Variants in MTA3 observed in about 807,000 individuals in gnomAD.
MTA3 encodes the protein metastasis associated 1 family member 3, also known as metastasis-associated protein MTA3.
MTA3 carries 34 observed loss-of-function variants against 83.5 expected under a neutral mutation model. The ratio of observed to expected loss-of-function variants is 0.41; its 90% CI spans 0.31 to 0.54. The LOEUF (loss-of-function observed/expected upper bound fraction) is 0.54, where lower values mean the gene tolerates loss of function less well. MTA3 is among the 20% of genes least tolerant of loss of function. The probability of loss-of-function intolerance (pLI) is 0.33; values close to 1 mark genes in which losing one functional copy is unlikely to be tolerated. For missense variants in MTA3, 761 were observed against 726.4 expected, an observed-to-expected ratio of 1.05 and a Z score of -0.55; for synonymous variants, 303 against 252.7, an observed-to-expected ratio of 1.20 and a Z score of -1.89.
rs567016434 is a variant in MTA3 at position 42,556,096 on chromosome 2, A to C, written c.-140-14341A>C. On this transcript the variant is annotated intron_variant, in intron 2 of 17. Transcript: ENST00000405592. ...CAAAAAACAAAAGCAAACAAACAAA[A>C]AAAAAAACAAACAAAAAAAGAGAGA... is the stretch of plus-strand genomic sequence containing the variant. 2.0e-3 allele frequency among the ~76,000 whole-genome samples: 301 copies of C among 152,070 alleles called. 1 individual carries two copies. Among genetic ancestry groups the C allele is most frequent in the African/African-American group, 5.9e-3 (243 of 41,524 alleles).
chr2:42,571,728 A>C (rs927042127), intron 2 of MTA3, among the ~76,000 whole-genome samples: 4 of 151,876 alleles, frequency 2.6e-5, no homozygotes. Flanking sequence ...CGGGCGGATC[A>C]CCTGAGGTTG....
intron 9 of MTA3, among the ~76,000 whole-genome samples, chr2:42,689,010 ATTC>A (rs1692646076): frequency 6.6e-6 from 1 of 152,016 alleles, no homozygotes; most frequent in Non-Finnish European, 1.5e-5. Flanking sequence ...GTTCCTCTCT[ATTC>A]TTATTTTTTG....
intron 4 of MTA3, among the ~76,000 whole-genome samples, chr2:42,629,469 A>G (rs944423181): frequency 6.6e-6 from 1 of 152,014 alleles, no homozygotes; most frequent in Non-Finnish European, 1.5e-5. Flanking sequence ...TGGTAGTGTA[A>G]TTGTGATAGG....
At chr2:42,500,445 C>T (rs1211021212) in intron 2 of MTA3, among the ~76,000 whole-genome samples, 1 of 151,982 alleles carries the variant, frequency 6.6e-6, no homozygotes, top group Non-Finnish European at 1.5e-5. Context: ...GTAGTCCCTG[C>T]TACTCAGGAG....
chr2:42,495,842 C>G (rs1674105759), intron 2 of MTA3, among the ~76,000 whole-genome samples: 1 of 152,122 alleles, frequency 6.6e-6, no homozygotes, highest in Non-Finnish European at 1.5e-5. Flanking sequence ...TCCCCAACCC[C>G]GTGTCTGTGA....
intron 8 of MTA3, among the ~76,000 whole-genome samples, chr2:42,662,477 G>T (rs958017306): frequency 6.6e-6 from 1 of 151,336 alleles, no homozygotes. Context: ...TAAATTAATT[G>T]TCCCAGTACC....
Position 42,548,856 on chromosome 2 carries a change from TATAATATATATATATATATAA to T in MTA3, c.-140-21580_-140-21560del, listed in dbSNP as rs1676913033. On this transcript the variant is annotated intron_variant, in intron 2 of 17. Transcript: ENST00000405592. ...TATATATATATATATAATATATATA[TATAATATATATATATATATAA>T]TATATATATATATATCAGCGGGCAC... Among the ~76,000 whole-genome samples, 16 of 28,334 alleles carry T rather than the reference TATAATATATATATATATATAA, an allele frequency of 5.6e-4. 3 individuals carry two copies. Among genetic ancestry groups the T allele is most frequent in the African/African-American group, 4.5e-3 (15 of 3,302 alleles). 18.6% of individuals were successfully genotyped at this position (28,334 alleles called of 152,430 possible). A position where few individuals can be genotyped will look rare whatever the true frequency, so the allele number is the denominator to read the frequency against.
rs376458781 is a variant in MTA3, at chr2:42,625,814, A to G, written c.318-14359A>G. On this transcript the variant is annotated intron_variant, in intron 4 of 16. Coordinates refer to ENST00000405094, the MANE Select transcript of MTA3 (RefSeq NM_001330442.2). Reference sequence around the variant, plus strand: ...CCTCACCAGTCATTTTAATAAATCTATTATCTGCATGCACAGTTCTGTGTT... The same window carrying G: ...CCTCACCAGTCATTTTAATAAATCTGTTATCTGCATGCACAGTTCTGTGTT... 5.3e-5 allele frequency among the ~76,000 whole-genome samples: 8 copies of G among 150,154 alleles called. No homozygotes were observed. In the South Asian group the frequency reaches 6.3e-4, roughly 12 times the overall value.
chr2:42,569,777 G>C (rs1341764894), intron 1 of MTA3: 1 of 152,128 alleles, frequency 6.6e-6, no homozygotes, highest in African/African-American at 2.4e-5. Context: ...TTAATCACAA[G>C]ACATTAAATG....
intron 3 of MTA3, among the ~76,000 whole-genome samples, chr2:42,587,306 T>C (rs1396146543): frequency 6.6e-6 from 1 of 152,160 alleles, no homozygotes; most frequent in Non-Finnish European, 1.5e-5. Flanking sequence ...AACAAGACCC[T>C]GCCTCCCAAA....
In MTA3 at chr2:42,528,660, C is replaced by T. The variant is rs982259334; in HGVS notation, c.-141+33406C>T. On this transcript the variant is annotated intron_variant, in intron 2 of 17. Coordinates refer to the MTA3 transcript ENST00000405592. ...TACTACTGAAGAGATGTGTGATCTT[C>T]GGAAAATTGCCTGCCCTTTCTGAGC... 5.9e-5 allele frequency among the ~76,000 whole-genome samples: 9 copies of T among 152,202 alleles called. 1 individual carries two copies. Among genetic ancestry groups the T allele is most frequent in the Admixed American group, 2.6e-4 (4 of 15,270 alleles).
rs115510522 is a variant in MTA3 at position 42,737,699 on chromosome 2, A to T, written c.1759+14664A>T. Among the ~76,000 whole-genome samples, 686 of 152,298 alleles carry T rather than the reference A, an allele frequency of 4.5e-3. 1 individual carries two copies. The highest frequency in any genetic ancestry group is 8.1e-3 in the Non-Finnish European group (554 of 68,026). Reference sequence around the variant, plus strand: ...AATACTTTATGAGGTAAATGTTATAACCTACATTTTAGGAATGGAAAAAAT... The same window carrying T: ...AATACTTTATGAGGTAAATGTTATATCCTACATTTTAGGAATGGAAAAAAT... On this transcript the variant is annotated intron_variant, in intron 16 of 16. Coordinates refer to ENST00000405094, the MANE Select transcript of MTA3 (RefSeq NM_001330442.2).
At chr2:42,548,876 A>ATATTATATATATATT (rs1491291035) in intron 2 of MTA3, among the ~76,000 whole-genome samples, 1 of 20,364 alleles carries the variant, frequency 4.9e-5, no homozygotes, top group African/African-American at 3.3e-4. Context: ...ATATATATAT[A>ATATTATATATATATT]ATATATATAT....
intron 14 of MTA3, among the ~76,000 whole-genome samples, chr2:42,714,500 G>A (rs1436145160): frequency 1.3e-5 from 2 of 152,156 alleles, no homozygotes; most frequent in African/African-American, 4.8e-5. Flanking sequence ...GCACATGTGG[G>A]ATGTTTTTGT....
intron 2 of MTA3, among the ~76,000 whole-genome samples, chr2:42,518,965 CAAAACACACACACACACA>C: frequency 7.6e-6 from 1 of 130,844 alleles, no homozygotes; most frequent in African/African-American, 2.9e-5. Context: ...GACCCTTTCT[CAAAACACACACACACACA>C]CACACACACA....
intron 3 of MTA3, among the ~76,000 whole-genome samples, chr2:42,590,659 C>T (rs942002124): frequency 7.7e-6 from 1 of 129,828 alleles, no homozygotes; most frequent in Non-Finnish European, 1.5e-5. Context: ...CTCGCTCTGT[C>T]ACCCAGGCTG....
Position 42,753,883 on chromosome 2 carries a change from A to T in MTA3, c.*484A>T, listed in dbSNP as rs1206469879. 1 of 987,670 alleles carries T rather than the reference A, an allele frequency of 1.0e-6. No individual in the cohort carries two copies. Among genetic ancestry groups the T allele is most frequent in the Non-Finnish European group, 1.2e-6 (1 of 831,782 alleles). 61.2% of individuals were successfully genotyped at this position (987,670 alleles called of 1,614,324 possible). On this transcript the variant is annotated 3_prime_UTR_variant, in exon 17 of 17. Transcript: ENST00000405094. ...CTTAAGAAATGCGCCAGTGTTTATG[A>T]GGTTCAAGGTATTTCCCTGTCCTTG... is the stretch of plus-strand genomic sequence containing the variant.
chr2:42,495,710 G>A (rs1674099445), intron 2 of MTA3, among the ~76,000 whole-genome samples: 1 of 152,164 alleles, frequency 6.6e-6, no homozygotes, highest in African/African-American at 2.4e-5. Context: ...GATCCCATAA[G>A]CAATGGAATC....
chr2:42,654,101 A>G (rs1294757848), intron 6 of MTA3, among the ~76,000 whole-genome samples: 2 of 152,188 alleles, frequency 1.3e-5, no homozygotes, highest in African/African-American at 4.8e-5. Flanking sequence ...CAAACCTTAG[A>G]TCTTTTTGGC....
Sources: gnomAD v4.1 joint callset for allele counts (sites outside exome capture counted in the v4.1 genomes callset) on GRCh38, gnomAD v4.1.1 for gene constraint, MANE v1.5 for transcripts, NCBI Gene and HGNC (gene_info 2026-07-23, HGNC 2026-07-21) for gene names.